MSLN: variants seen among roughly 807,000 people sequenced by gnomAD.
The protein encoded by MSLN is mesothelin.
MSLN carries 82 observed loss-of-function variants against 72.6 expected under a neutral mutation model. The ratio of observed to expected loss-of-function variants is 1.13; its 90% CI spans 0.94 to 1.36. MSLN has a LOEUF of 1.36. Among genes scored for constraint, MSLN ranks in the 40% most tolerant of loss-of-function variants. The pLI is 0.00. For synonymous variants in MSLN, 456 were observed against 387.3 expected, an observed-to-expected ratio of 1.18 and a Z score of -2.08; for missense variants, 1,005 against 847.9, an observed-to-expected ratio of 1.19 and a Z score of -2.30.
chr16:767,136 C>T, intron 15 of MSLN, 124 bp downstream of exon 15: 1 of 1,450,480 alleles, frequency 6.9e-7, no homozygotes, highest in Non-Finnish European at 9.4e-7. Flanking sequence ...TGGTCACCCG[C>T]CCTCTGCCCC....
chr16:763,936 G>A (rs535955251), intron 5 of MSLN, 87 bp from the exon 6 acceptor site: 48 of 1,550,086 alleles, frequency 3.1e-5, no homozygotes. Flanking sequence ...CCTTTGGGGA[G>A]AGGTGGGGCT....
At chr16:763,376 T>G in intron 4 of MSLN, 100 bp downstream of exon 4, 3 of 1,097,806 alleles carry the variant, frequency 2.7e-6, no homozygotes, top group Non-Finnish European at 4.0e-6. Context: ...CTTGCCAGTT[T>G]CCACGGTCCT....
Position 764,991 on chromosome 16 carries a change from G to A in MSLN, c.465G>A (p.Gly155=). 6.2e-7 allele frequency: 1 copy of A among 1,612,326 alleles called. No individual in the cohort carries two copies. Among genetic ancestry groups the A allele is most frequent in the African/African-American group, 1.3e-5 (1 of 75,070 alleles). The stretch of plus-strand genomic sequence containing the variant: ...CCAATGTGGACCTGCTCCCGAGGGG[G>A]GCTCCCGAGCGACAGCGGCTGCTGC... ...TKANVDLLPR[G]APERQRLLPA... Residue 155 remains glycine (G), a synonymous_variant, in exon 8 of 18, where the codon GGG becomes GGA. Coordinates refer to ENST00000545450, the MANE Select transcript of MSLN (RefSeq NM_005823.6).
rs775784523 is a variant in MSLN at position 762,756 on chromosome 16, T to C, written c.76T>C (p.Phe26Leu). 6.3e-7 allele frequency: 1 copy of C among 1,592,618 alleles called. No homozygotes were observed. Among genetic ancestry groups the C allele is most frequent in the Non-Finnish European group, 8.5e-7 (1 of 1,171,398 alleles). ...PALGSLLFLL[F>L]SLGWVQPSRT... ...CCTCGGCAGCCTCCTGTTCCTGCTC[T>C]TCAGCCTCGGTGCGTACTTGATGGG... Residue 26 changes from phenylalanine (F) to leucine (L), a missense_variant, in exon 3 of 18, where the codon TTC becomes CTC. Physicochemically the swap from Phe to Leu is conservative, Grantham distance 22. Transcript: ENST00000545450.
intron 3 of MSLN, 31 bp downstream of exon 3, chr16:762,796 G>T (rs778833584): frequency 1.3e-6 from 2 of 1,533,348 alleles, no homozygotes; most frequent in Non-Finnish European, 1.8e-6. Flanking sequence ...CTGGTGAGGT[G>T]GGGACGGCCC....
intron 11 of MSLN, 57 bp downstream of exon 11, chr16:765,847 G>C (rs1164112518): frequency 1.3e-6 from 2 of 1,527,046 alleles, no homozygotes; most frequent in African/African-American, 2.7e-5. Flanking sequence ...CCTGGGGGTG[G>C]GCATCACTTT....
intron 3 of MSLN, among the ~76,000 whole-genome samples, 199 bp downstream of exon 3, chr16:762,964 G>A (rs2041555092): frequency 6.6e-6 from 1 of 152,206 alleles, no homozygotes; most frequent in South Asian, 2.1e-4. Context: ...GACACAGTGG[G>A]GATGTCTGTG....
In MSLN at chr16:768,843, G is replaced by T. The variant is rs746316461; in HGVS notation, c.*110G>T. 9.7e-7 allele frequency: 1 copy of T among 1,034,394 alleles called. No individual in the cohort carries two copies. Among genetic ancestry groups the T allele is most frequent in the Non-Finnish European group, 1.5e-6 (1 of 687,352 alleles). The allele number at this position is 1,034,394 out of a possible 1,614,324, so 64.1% of individuals were successfully genotyped here. Reference sequence around the variant, plus strand: ...AAGAGAACTCGCGCTCAGTAAACGGGAACATGCCCCCTGCAGACACGTCTT... The same window carrying T: ...AAGAGAACTCGCGCTCAGTAAACGGTAACATGCCCCCTGCAGACACGTCTT... On this transcript the variant is annotated 3_prime_UTR_variant, in exon 18 of 18. Transcript: ENST00000545450.
chr16:762,784 T>G lies in MSLN; in HGVS notation c.85+19T>G. ...AGCCTCGGTGCGTACTTGATGGGGC[T>G]GCTGGTGAGGTGGGGACGGCCCAGG... On this transcript the variant is annotated intron_variant, in intron 3 of 17. Coordinates refer to ENST00000545450, the MANE Select transcript of MSLN (RefSeq NM_005823.6). The G allele has an allele frequency of 6.4e-7, 1 of 1,554,542 alleles. No homozygotes were observed. The highest frequency in any genetic ancestry group is 8.7e-7 in the Non-Finnish European group (1 of 1,154,210).
intron 9 of MSLN, 94 bp downstream of exon 9, chr16:765,397 C>T: frequency 2.8e-6 from 4 of 1,419,202 alleles, no homozygotes; most frequent in Non-Finnish European, 3.7e-6. Flanking sequence ...GGCCCAGGGT[C>T]AGTCACCCCC....
chr16:764,181 G>A, intron 6 of MSLN, 38 bp downstream of exon 6: 1 of 1,586,076 alleles, frequency 6.3e-7, no homozygotes, highest in South Asian at 1.1e-5. Flanking sequence ...GGGCACAGCT[G>A]GGGCTGAGGA....
At chr16:761,479 G>A (rs1596687700) in intron 2 of MSLN, among the ~76,000 whole-genome samples, 1 of 152,322 alleles carries the variant, frequency 6.6e-6, no homozygotes, top group South Asian at 2.1e-4. Flanking sequence ...GGCTCTCGGG[G>A]AGCCCCCATC....
chr16:762,098 G>C (rs1197161994), intron 2 of MSLN, among the ~76,000 whole-genome samples: 4 of 152,224 alleles, frequency 2.6e-5, no homozygotes, highest in Non-Finnish European at 5.9e-5. Context: ...CACCTGGACT[G>C]CACCTGAAAA....
rs369417234 is a variant in MSLN at position 766,331 on chromosome 16, G to A, written c.1075-4G>A. On this transcript the variant is annotated splice_polypyrimidine_tract_variant and splice_region_variant and intron_variant, in intron 12 of 17. Transcript: ENST00000545450. ...ATGGGCCCTCCTGGTCTCTTGGCCT[G>A]CAGCTCTACCCACAAGGTTACCCCG... 2 of 1,612,478 alleles carry A rather than the reference G, an allele frequency of 1.2e-6. No homozygotes were observed. Among genetic ancestry groups the A allele is most frequent in the Non-Finnish European group, 1.7e-6 (2 of 1,179,826 alleles).
At chr16:765,404 C>A in intron 9 of MSLN, 101 bp downstream of exon 9, 1 of 1,416,208 alleles carries the variant, frequency 7.1e-7, no homozygotes, top group Non-Finnish European at 9.4e-7. Flanking sequence ...GGTCAGTCAC[C>A]CCCGCCACCA....
intron 16 of MSLN, 49 bp downstream of exon 16, chr16:767,519 G>A: frequency 7.4e-7 from 1 of 1,342,884 alleles, no homozygotes; most frequent in Non-Finnish European, 9.8e-7. Context: ...CCGTGGAGGA[G>A]GGGCGAGTGG....
rs764982797 is a variant in MSLN at position 768,459 on chromosome 16, G to A, written c.1677G>A (p.Val559=). The change falls in exon 17 of 18, where the codon GTG becomes GTA. Residue 559 remains valine, a synonymous_variant. Transcript: ENST00000545450. ...GLKAEERHRP[V]RDWILRQRQD... ...AGGCGGAGGAGCGGCACCGCCCGGT[G>A]CGGGACTGGATCCTACGGCAGCGGC... 105 of 1,556,338 alleles carry A rather than the reference G, an allele frequency of 6.7e-5. 1 individual carries two copies. The highest frequency in any genetic ancestry group is 1.7e-4 in the Middle Eastern group (1 of 5,774).
Position 768,827 on chromosome 16 carries a change from C to A in MSLN, c.*94C>A. ...GTCCCCGTTCCACCCCAAGAGAACT[C>A]GCGCTCAGTAAACGGGAACATGCCC... On this transcript the variant is annotated 3_prime_UTR_variant, in exon 18 of 18. Transcript: ENST00000545450. 1 of 1,243,334 alleles carries A rather than the reference C, an allele frequency of 8.0e-7. No individual in the cohort carries two copies. The highest frequency in any genetic ancestry group is 1.2e-6 in the Non-Finnish European group (1 of 866,534). 77.0% of individuals were successfully genotyped at this position (1,243,334 alleles called of 1,614,324 possible). A position where few individuals can be genotyped will look rare whatever the true frequency, so the allele number is the denominator to read the frequency against.
In MSLN at chr16:765,128, C is replaced by A; in HGVS notation, c.529C>A (p.Leu177Met). Residue 177 changes from leucine (L) to methionine (M), a missense_variant, in exon 9 of 18, where the codon CTG becomes ATG. Physicochemically the swap from Leu to Met is conservative, Grantham distance 15. Coordinates refer to ENST00000545450, the MANE Select transcript of MSLN (RefSeq NM_005823.6). Reference protein sequence around the residue: ...LACWGVRGSLLSEADVRALGG... With the variant: ...LACWGVRGSLMSEADVRALGG... ...TCTGCAGGGTGTGCGGGGGTCTCTG[C>A]TGAGCGAGGCTGATGTGCGGGCTCT... The A allele has an allele frequency of 6.2e-7, 1 of 1,603,752 alleles. No individual in the cohort carries two copies. The highest frequency in any genetic ancestry group is 8.5e-7 in the Non-Finnish European group (1 of 1,178,136).
Sources: allele counts gnomAD v4.1 joint callset (sites outside exome capture counted in the v4.1 genomes callset), GRCh38; gene constraint gnomAD v4.1.1; transcripts MANE v1.5; gene names NCBI Gene and HGNC (gene_info 2026-07-23, HGNC 2026-07-21).